KREMEN1: variants seen among roughly 807,000 people sequenced by gnomAD.
The protein encoded by KREMEN1 is kringle containing transmembrane protein 1.
KREMEN1 carries 30 observed loss-of-function variants against 46.5 expected under a neutral mutation model. The observed-to-expected ratio is 0.65, with a 90% CI of 0.48 to 0.88. The LOEUF is 0.88. Ranked by LOEUF, KREMEN1 falls within the 40% of genes least tolerant of loss-of-function variation. KREMEN1 has a pLI of 0.00. For missense variants in KREMEN1, 533 were observed against 596.9 expected (o/e 0.89, Z 1.11); for synonymous variants, 214 against 230.6 (o/e 0.93, Z 0.65).
At chr22:29,139,971 T>C (rs2038735269) in intron 7 of KREMEN1, among the ~76,000 whole-genome samples, 1 of 152,210 alleles carries the variant, frequency 6.6e-6, no homozygotes, top group African/African-American at 2.4e-5. Flanking sequence ...CATCTGTGGT[T>C]ACACAGTGGT....
At chr22:29,086,708 G>A (rs572467417) in intron 1 of KREMEN1, among the ~76,000 whole-genome samples, 1 of 152,240 alleles carries the variant, frequency 6.6e-6, no homozygotes, top group South Asian at 2.1e-4. Context: ...ACCCAACAGG[G>A]CGATAGGTGT....
intron 2 of KREMEN1, 112 bp from the exon 3 acceptor site, chr22:29,098,750 T>C (rs2037924921): frequency 1.3e-6 from 1 of 783,958 alleles, no homozygotes; most frequent in Admixed American, 2.1e-5. Context: ...ACAGACCAAC[T>C]ATTAGAAATA....
chr22:29,128,418 TAAGACAGTCTTTGA>T (rs1245889049), intron 5 of KREMEN1, among the ~76,000 whole-genome samples: 2 of 152,216 alleles, frequency 1.3e-5, no homozygotes, highest in Non-Finnish European at 2.9e-5. Flanking sequence ...GTAGTTTTTA[TAAGACAGTCTTTGA>T]ATTAGTACAT....
At chr22:29,167,165 G>A in exon 10 of KREMEN1, 2 of 1,342,998 alleles carry the variant, frequency 1.5e-6, no homozygotes, top group South Asian at 1.3e-5. Context: ...AGGGCAGAGG[G>A]GACACCTTCA....
intron 3 of KREMEN1, among the ~76,000 whole-genome samples, chr22:29,105,788 A>T (rs1051308380): frequency 2.0e-5 from 3 of 152,194 alleles, no homozygotes; most frequent in Non-Finnish European, 2.9e-5. Flanking sequence ...TAGTGATTGT[A>T]TCATTCACAC....
intron 4 of KREMEN1, 94 bp downstream of exon 4, chr22:29,121,575 G>A (rs1382226580): frequency 2.2e-6 from 3 of 1,383,946 alleles, no homozygotes; most frequent in Non-Finnish European, 3.0e-6. Flanking sequence ...AGTAAAATAA[G>A]CCAGACACAA....
At chr22:29,092,685 G>A (rs946164577) in intron 1 of KREMEN1, among the ~76,000 whole-genome samples, 1 of 152,168 alleles carries the variant, frequency 6.6e-6, no homozygotes, top group Non-Finnish European at 1.5e-5. Flanking sequence ...ATGATAAATT[G>A]TTAGGGTTGG....
Position 29,138,709 on chromosome 22 carries a change from C to G in KREMEN1, c.1050C>G (p.Val350=), listed in dbSNP as rs530282921. Residue 350 remains valine, a synonymous_variant, in exon 7 of 9, where the codon GTC becomes GTG. Transcript: ENST00000400335. ...TCACGGAGCAGGCCAACCTCAGTGT[C>G]AGCGCTGCCCGGTCCTCCAAAGTCC... The part of the protein sequence containing the change: ...EVITEQANLS[V]SAARSSKVLY... 3 of 1,614,236 alleles carry G rather than the reference C, an allele frequency of 1.9e-6. No homozygotes were observed. In the East Asian group the frequency reaches 6.7e-5, roughly 36 times the overall value.
chr22:29,138,401 G>A (rs1053039689), intron 6 of KREMEN1, among the ~76,000 whole-genome samples: 11 of 152,204 alleles, frequency 7.2e-5, no homozygotes, highest in Non-Finnish European at 1.6e-4. Flanking sequence ...TCTGAGATGA[G>A]ACTAGCCACA....
At chr22:29,161,996 T>C (rs1209057071) in intron 9 of KREMEN1, among the ~76,000 whole-genome samples, 2 of 151,868 alleles carry the variant, frequency 1.3e-5, no homozygotes, top group African/African-American at 4.8e-5. Context: ...TGCATGTCTA[T>C]AATCCCAGCT....
intron 3 of KREMEN1, among the ~76,000 whole-genome samples, chr22:29,119,394 T>A (rs1174164636): frequency 2.0e-5 from 3 of 152,156 alleles, no homozygotes; most frequent in African/African-American, 7.2e-5. Flanking sequence ...ATAGGCATGA[T>A]TGATTATTAA....
At chr22:29,156,564 AAT>A (rs1569342210) in intron 9 of KREMEN1, among the ~76,000 whole-genome samples, 30 of 151,684 alleles carry the variant, frequency 2.0e-4, no homozygotes, top group African/African-American at 7.0e-4. Flanking sequence ...TCCGCACAGG[AAT>A]GCTCTCCGCA....
chr22:29,079,753 C>T (rs1470293052), intron 1 of KREMEN1, among the ~76,000 whole-genome samples: 2 of 152,228 alleles, frequency 1.3e-5, no homozygotes, highest in African/African-American at 4.8e-5. Context: ...GTGGTTTCTT[C>T]ACACCTTCCA....
chr22:29,141,261 ATGTGTGTGTGTGTGTGTCTGTGTC>A (rs1008269921), intron 8 of KREMEN1, among the ~76,000 whole-genome samples: 5 of 146,454 alleles, frequency 3.4e-5, no homozygotes, highest in Admixed American at 2.0e-4. Flanking sequence ...CTGCATGTGC[ATGTGTGTGTGTGTGTGTCTGTGTC>A]TGTGTGTGTG....
At chr22:29,161,311 T>G (rs900693356) in intron 9 of KREMEN1, among the ~76,000 whole-genome samples, 3 of 151,732 alleles carry the variant, frequency 2.0e-5, no homozygotes, top group East Asian at 3.9e-4. Context: ...ATCGAGACCA[T>G]CCTGGCTAAC....
chr22:29,163,558 G>A (rs2145877302), intron 9 of KREMEN1, among the ~76,000 whole-genome samples: 1 of 152,064 alleles, frequency 6.6e-6, no homozygotes, highest in Non-Finnish European at 1.5e-5. Flanking sequence ...TGTATTTTTA[G>A]TAGAGACAGG....
chr22:29,137,614 A>T lies in KREMEN1; in HGVS notation c.904A>T (p.Ile302Phe), dbSNP rs78986506. The change falls in exon 6 of 9, where the codon ATC (isoleucine) becomes TTC (phenylalanine). Residue 302 changes from isoleucine (I) to phenylalanine (F), a missense_variant. Physicochemically the swap from Ile to Phe is conservative, Grantham distance 21. Coordinates refer to ENST00000400335, the MANE Select transcript of KREMEN1 (RefSeq NM_001039570.3). ...LSFNVSLDFV[I>F]LYFFSDRINQ... ...CTTCAACGTCTCTCTGGACTTCGTC[A>T]TCTTGTATTTCTTCTCTGATCGCAT... 6.2e-7 allele frequency: 1 copy of T among 1,612,354 alleles called. No individual in the cohort carries two copies. Among genetic ancestry groups the T allele is most frequent in the African/African-American group, 1.3e-5 (1 of 74,896 alleles).
rs1417607554 is a variant in KREMEN1 at position 29,137,488 on chromosome 22, C to T, written c.778C>T (p.Leu260=). The T allele has an allele frequency of 1.2e-6, 2 of 1,609,532 alleles. No individual in the cohort carries two copies. Among genetic ancestry groups the T allele is most frequent in the African/African-American group, 2.7e-5 (2 of 75,002 alleles). ...GASHIHFSFP[L]FDIRDSADMV... ...CTCCCACATCCACTTCAGCTTCCCC[C>T]TATTTGACATCAGGGACTCGGCGGA... is the stretch of plus-strand genomic sequence containing the variant. The change falls in exon 6 of 9, where the codon CTA becomes TTA. Residue 260 remains leucine (L), a synonymous_variant. Transcript: ENST00000400335.
At position 29,098,878 on chromosome 22, in the gene KREMEN1, G is replaced by A. The variant is rs1237728918; in HGVS notation, c.277G>A (p.Val93Met). 7.4e-6 allele frequency: 12 copies of A among 1,613,786 alleles called. No homozygotes were observed. The highest frequency in any genetic ancestry group is 3.3e-4 in the Middle Eastern group (2 of 6,084). ...CCCCAACAGAAATCCAGATGGAGAC[G>A]TGAGCCCCTGGTGCTATGTGGCAGA... ...HNYCRNPDGD[V>M]SPWCYVAEHE... The change falls in exon 3 of 9, where the codon GTG becomes ATG. Residue 93 changes from valine (V) to methionine (M), a missense_variant. Val to Met is a conservative substitution (Grantham distance 21). Transcript: ENST00000400335.
Sources: allele counts gnomAD v4.1 joint callset (sites outside exome capture counted in the v4.1 genomes callset), GRCh38; gene constraint gnomAD v4.1.1; transcripts MANE v1.5; gene names NCBI Gene and HGNC (gene_info 2026-07-23, HGNC 2026-07-21).